Variants in ADAM23 observed in about 807,000 individuals in gnomAD.
ADAM23 encodes disintegrin and metalloproteinase domain-containing protein 23.
ADAM23 carries 33 observed loss-of-function variants against 120.1 expected under a neutral mutation model. The observed-to-expected ratio is 0.27, with a 90% CI of 0.21 to 0.37. The LOEUF (loss-of-function observed/expected upper bound fraction) is 0.37, where lower values mean the gene tolerates loss of function less well. ADAM23 is among the 10% of genes least tolerant of loss of function. The pLI is 1.00. For synonymous variants in ADAM23, 367 were observed against 375.2 expected (o/e 0.98, Z 0.25); for missense variants, 862 against 1,058.2 (o/e 0.81, Z 2.57).
intron 2 of ADAM23, among the ~76,000 whole-genome samples, chr2:206,464,860 G>A (rs1318663933): frequency 2.6e-5 from 4 of 152,070 alleles, no homozygotes; most frequent in African/African-American, 9.7e-5. Context: ...AATCAAAGAA[G>A]TATCTAGCCT....
chr2:206,547,320 A>G lies in ADAM23; in HGVS notation c.721-109A>G. On this transcript the variant is annotated intron_variant, in intron 6 of 25. Coordinates refer to ENST00000264377, the MANE Select transcript of ADAM23 (RefSeq NM_003812.4). ...CACTTTTGATAGCTAAAAAACTGACATATAAATATTCCCATTTTAGGAAGG... is the reference window on the plus strand; with the variant it reads ...CACTTTTGATAGCTAAAAAACTGACGTATAAATATTCCCATTTTAGGAAGG... 3.8e-6 allele frequency: 3 copies of G among 797,764 alleles called. No individual in the cohort carries two copies. In the Admixed American group the frequency reaches 8.5e-5, roughly 23 times the overall value. 49.4% of individuals were successfully genotyped at this position (797,764 alleles called of 1,614,324 possible).
At chr2:206,479,129 G>C (rs186915759) in intron 2 of ADAM23, among the ~76,000 whole-genome samples, 8 of 152,318 alleles carry the variant, frequency 5.3e-5, no homozygotes, top group African/African-American at 1.9e-4. Context: ...CTAGCTCTTT[G>C]ATTAAATTCT....
In ADAM23 at chr2:206,467,405, G is replaced by C. The variant is rs1331178704; in HGVS notation, c.433-13827G>C. 3.3e-5 allele frequency among the ~76,000 whole-genome samples: 5 copies of C among 152,214 alleles called. 1 individual carries two copies. Among genetic ancestry groups the C allele is most frequent in the Admixed American group, 1.3e-4 (2 of 15,278 alleles). The stretch of plus-strand genomic sequence containing the variant: ...AGGGAGAAATCAGCGAAAAGAAAGG[G>C]GCTTATAGGCCCCATGCAAGTCTGA... On this transcript the variant is annotated intron_variant, in intron 2 of 25. Transcript: ENST00000264377.
chr2:206,594,927 A>T, intron 23 of ADAM23, 22 bp downstream of exon 23: 1 of 1,613,338 alleles, frequency 6.2e-7, no homozygotes, highest in Non-Finnish European at 8.5e-7. Context: ...TCAATGTGAC[A>T]GCTGGAACCT....
At chr2:206,529,958 C>T (rs1352652775) in intron 3 of ADAM23, among the ~76,000 whole-genome samples, 2 of 152,016 alleles carry the variant, frequency 1.3e-5, no homozygotes, top group Admixed American at 1.3e-4. Flanking sequence ...ATTACAGGTG[C>T]GTGCCACCAC....
chr2:206,531,148 T>C (rs559173220), intron 4 of ADAM23, among the ~76,000 whole-genome samples, 200 bp downstream of exon 4: 1 of 152,266 alleles, frequency 6.6e-6, no homozygotes, highest in South Asian at 2.1e-4. Context: ...CAAAAAATGT[T>C]TATTGTTTTG....
intron 4 of ADAM23, among the ~76,000 whole-genome samples, chr2:206,541,363 G>C (rs907930387): frequency 6.6e-6 from 1 of 152,138 alleles, no homozygotes; most frequent in African/African-American, 2.4e-5. Flanking sequence ...GAATTAGAAT[G>C]TACTGGGGGT....
At chr2:206,497,031 GTC>G (rs1696267222) in intron 3 of ADAM23, among the ~76,000 whole-genome samples, 1 of 152,076 alleles carries the variant, frequency 6.6e-6, no homozygotes. Context: ...ACCAAAAAAA[GTC>G]CAGGACCAGA....
chr2:206,496,012 T>A (rs966013477), intron 3 of ADAM23, among the ~76,000 whole-genome samples: 7 of 152,044 alleles, frequency 4.6e-5, no homozygotes, highest in Non-Finnish European at 5.9e-5. Flanking sequence ...AAGTCCTTAG[T>A]GACCTACAAA....
At position 206,444,019 on chromosome 2, in the gene ADAM23, C is replaced by G. The variant is rs1574470358; in HGVS notation, c.153C>G (p.Leu51=). The G allele has an allele frequency of 7.1e-6, 10 of 1,411,674 alleles. No homozygotes were observed. The highest frequency in any genetic ancestry group is 2.3e-4 in the Middle Eastern group (1 of 4,346). The allele number at this position is 1,411,674 out of a possible 1,614,324, so 87.4% of individuals were successfully genotyped here. A position where few individuals can be genotyped will look rare whatever the true frequency, so the allele number is the denominator to read the frequency against. ...TPPCRLLLVL[L]LLPPLAASSR... is the part of the protein sequence containing the mutation. ...CCTGCCGCCTGCTTCTCGTCCTTCT[C>G]CTGCTGCCTCCGCTCGCCGCCTCGT... Residue 51 remains leucine (L), a synonymous_variant, in exon 1 of 26, where the codon CTC becomes CTG. Coordinates refer to ENST00000264377, the MANE Select transcript of ADAM23 (RefSeq NM_003812.4).
At chr2:206,455,131 C>G (rs1695271474) in intron 2 of ADAM23, among the ~76,000 whole-genome samples, 1 of 152,248 alleles carries the variant, frequency 6.6e-6, no homozygotes, top group Non-Finnish European at 1.5e-5. Context: ...AGATTTCTGC[C>G]TGGATAGCCA....
rs898600845 is a variant in ADAM23, at chr2:206,479,684, C to T, written c.433-1548C>T. Among the ~76,000 whole-genome samples, 7 of 152,222 alleles carry T rather than the reference C, an allele frequency of 4.6e-5. No individual in the cohort carries two copies. The South Asian group carries it at 1.2e-3, about 27-fold the overall frequency. ...ACTTGACAGAAGTTTCTCTCTCTCT[C>T]TCTCTTTCTCTCTCTCTCTCACTCA... On this transcript the variant is annotated intron_variant, in intron 2 of 25. Transcript: ENST00000264377.
chr2:206,449,254 C>T (rs1473871984), intron 2 of ADAM23, among the ~76,000 whole-genome samples: 2 of 152,096 alleles, frequency 1.3e-5, no homozygotes, highest in South Asian at 2.1e-4. Flanking sequence ...TTATCAAGAT[C>T]GATCGTTTTC....
chr2:206,462,344 T>TTACA (rs1286302246), intron 2 of ADAM23, among the ~76,000 whole-genome samples: 1 of 152,222 alleles, frequency 6.6e-6, no homozygotes, highest in African/African-American at 2.4e-5. Context: ...CCAAAGGCTG[T>TTACA]TACATTTCTG....
chr2:206,448,814 C>T (rs1695134493), intron 2 of ADAM23, among the ~76,000 whole-genome samples: 1 of 152,234 alleles, frequency 6.6e-6, no homozygotes, highest in African/African-American at 2.4e-5. Context: ...CTATGTGTCT[C>T]TTCCATCTGG....
At chr2:206,570,674 C>T (rs544337785) in intron 15 of ADAM23, 66 bp from the exon 16 acceptor site, 9 of 1,271,864 alleles carry the variant, frequency 7.1e-6, no homozygotes, top group African/African-American at 1.5e-5. Context: ...GTATGTGGCC[C>T]AGTTGATGTG....
rs577559452 is a variant in ADAM23 at position 206,512,167 on chromosome 2, G to A, written c.510-18718G>A. Among the ~76,000 whole-genome samples the A allele has an allele frequency of 4.4e-4, 67 of 152,222 alleles. 1 individual carries two copies. The highest frequency in any genetic ancestry group is 1.4e-3 in the African/African-American group (58 of 41,546). ...ATAAAAGAGATAAAGAGAACTGATA[G>A]CCACATGCTTATTTCATGAGATTAT... On this transcript the variant is annotated intron_variant, in intron 3 of 25. Coordinates refer to ENST00000264377, the MANE Select transcript of ADAM23 (RefSeq NM_003812.4).
At position 206,592,649 on chromosome 2, in the gene ADAM23, A is replaced by G. The variant is rs142503835; in HGVS notation, c.1991A>G (p.Asn664Ser). Residue 664 changes from asparagine (N) to serine (S), a missense_variant, in exon 22 of 26, where the codon AAT becomes AGT. Physicochemically the swap from Asn to Ser is conservative, Grantham distance 46. Around this residue, in one of 4 missense-constraint regions of ADAM23, gnomAD observed 617 missense variants for 813.5 expected, o/e 0.76. Transcript: ENST00000264377. ...DVFCGFLLCT[N>S]LTRAPRIGQL... is the part of the protein sequence containing the mutation. ...TTCTGTGGATTCTTACTCTGTACCA[A>G]TCTTACTCGAGCTCCACGTATTGGT... 1.4e-5 allele frequency: 22 copies of G among 1,613,900 alleles called. No homozygotes were observed. Among genetic ancestry groups the G allele is most frequent in the African/African-American group, 2.7e-5 (2 of 74,874 alleles).
In ADAM23 at chr2:206,548,275, C is replaced by T. The variant is rs751641136; in HGVS notation, c.794-6C>T. ...AAATTTTGATACTAATTTTTCCTTT[C>T]TGCAGCTATGGAAAGAGGTGACCAG... On this transcript the variant is annotated splice_region_variant and splice_polypyrimidine_tract_variant and intron_variant, in intron 7 of 25. Transcript: ENST00000264377. 14 of 1,611,694 alleles carry T rather than the reference C, an allele frequency of 8.7e-6. 1 individual carries two copies. The South Asian group carries it at 1.5e-4, about 18-fold the overall frequency.
Sources: allele counts gnomAD v4.1 joint callset (sites outside exome capture counted in the v4.1 genomes callset), GRCh38; gene constraint gnomAD v4.1.1; regional missense constraint gnomAD v4.1.1; transcripts MANE v1.5; gene names NCBI Gene and HGNC (gene_info 2026-07-23, HGNC 2026-07-21).